The following STARD3NL variants were observed in gnomAD, a reference collection of about 807,000 sequenced individuals.
STARD3NL encodes the protein STARD3 N-terminal-like protein.
In STARD3NL, 17 loss-of-function variants were observed where a neutral mutation model predicts 30.9. The observed-to-expected ratio is 0.55, with a 90% CI of 0.38 to 0.82. STARD3NL has a LOEUF of 0.82. Among genes scored for constraint, STARD3NL ranks in the 40% least tolerant of loss-of-function variants. STARD3NL has a pLI of 0.00. For synonymous variants in STARD3NL, 112 were observed against 100.5 expected (o/e 1.11, Z -0.69); for missense variants, 234 against 277.6 (o/e 0.84, Z 1.12).
chr7:38,179,057 T>C (rs1784140404), intron 1 of STARD3NL: 1 of 152,238 alleles, frequency 6.6e-6, no homozygotes, highest in Non-Finnish European at 1.5e-5. Flanking sequence ...AACTTTTCTT[T>C]GTTCACTGTG....
rs112731593 is a variant in STARD3NL at position 38,190,476 on chromosome 7, G to C, written c.-59+12056G>C. ...TTGTGTGTATGTGTGTATATACTGTGTATAGATAAACAGGTACAGACACAG... is the reference window on the plus strand; with the variant it reads ...TTGTGTGTATGTGTGTATATACTGTCTATAGATAAACAGGTACAGACACAG... On this transcript the variant is annotated intron_variant, in intron 1 of 8. Transcript: ENST00000009041. 4.5e-4 allele frequency among the ~76,000 whole-genome samples: 69 copies of C among 152,134 alleles called. 1 individual carries two copies. The highest frequency in any genetic ancestry group is 8.2e-4 in the Non-Finnish European group (56 of 68,012).
At chr7:38,223,201 G>T (rs532417413) in intron 7 of STARD3NL, among the ~76,000 whole-genome samples, 4 of 152,310 alleles carry the variant, frequency 2.6e-5, no homozygotes, top group South Asian at 2.1e-4. Context: ...ATTTTTCCTT[G>T]TAAAGGAGCA....
intron 7 of STARD3NL, among the ~76,000 whole-genome samples, chr7:38,223,913 G>A (rs1462852536): frequency 6.6e-6 from 1 of 151,980 alleles, no homozygotes; most frequent in African/African-American, 2.4e-5. Context: ...TGTAATTTTG[G>A]AAGTTTCATT....
chr7:38,196,300 A>G, intron 1 of STARD3NL, among the ~76,000 whole-genome samples: 1 of 152,148 alleles, frequency 6.6e-6, no homozygotes, highest in African/African-American at 2.4e-5. Flanking sequence ...TGGCTGACCC[A>G]TCCTCTTTCT....
chr7:38,212,309 G>A (rs1785853866), intron 2 of STARD3NL, among the ~76,000 whole-genome samples: 1 of 152,080 alleles, frequency 6.6e-6, no homozygotes, highest in Admixed American at 6.6e-5. Context: ...AAAGGAATAA[G>A]CTCCTTTCTA....
Position 38,178,300 on chromosome 7 carries a change from T to G in STARD3NL, c.-179T>G, listed in dbSNP as rs1204190342. On this transcript the variant is annotated 5_prime_UTR_variant, in exon 1 of 9. Transcript: ENST00000009041. ...TGGGTGCGGGCGGTGGGCTGCGCGTTGTCCGCTGGACTGGGTCCCGGTCAC... is the reference window on the plus strand; with the variant it reads ...TGGGTGCGGGCGGTGGGCTGCGCGTGGTCCGCTGGACTGGGTCCCGGTCAC... The G allele has an allele frequency of 2.6e-5, 4 of 152,244 alleles. No individual in the cohort carries two copies. Among genetic ancestry groups the G allele is most frequent in the South Asian group, 4.1e-4 (2 of 4,822 alleles). The allele number at this position is 152,244 out of a possible 1,614,324, so 9.4% of individuals were successfully genotyped here.
intron 1 of STARD3NL, among the ~76,000 whole-genome samples, chr7:38,197,136 TTTTC>T (rs56319128): frequency 0.039 from 4,426 of 112,268 alleles, 215 homozygotes; most frequent in African/African-American, 0.12. Context: ...GCATTACCTT[TTTTC>T]TTTCTTTCTT....
At chr7:38,227,111 G>A (rs774500529) in intron 7 of STARD3NL, among the ~76,000 whole-genome samples, 2 of 152,192 alleles carry the variant, frequency 1.3e-5, no homozygotes, top group Admixed American at 6.5e-5. Context: ...TCACTTGGCC[G>A]TAGCAAGAAG....
rs1403862642 is a variant in STARD3NL, at chr7:38,219,632, G to A, written c.621G>A (p.Gln207=). ...TACCTGGTGGTCTTTCTGATGGTCA[G>A]TTTTATTCCCCTCCTGAATCCGAAG... ...ALIPGGLSDG[Q]FYSPPESEAG... Residue 207 remains glutamine, a synonymous_variant, in exon 7 of 9, where the codon CAG becomes CAA. Coordinates refer to ENST00000009041, the MANE Select transcript of STARD3NL (RefSeq NM_032016.4). The A allele has an allele frequency of 5.0e-5, 80 of 1,612,722 alleles. No individual in the cohort carries two copies. The highest frequency in any genetic ancestry group is 6.5e-5 in the Non-Finnish European group (77 of 1,179,072).
At chr7:38,197,198 C>CTT (rs56022939) in intron 1 of STARD3NL, among the ~76,000 whole-genome samples, 15 of 30,692 alleles carry the variant, frequency 4.9e-4, no homozygotes, top group Admixed American at 1.2e-3. Context: ...CTTTCTTTTT[C>CTT]TCTCTCTCTC....
At chr7:38,182,575 C>T (rs916025767) in intron 1 of STARD3NL, among the ~76,000 whole-genome samples, 1 of 152,140 alleles carries the variant, frequency 6.6e-6, no homozygotes, top group African/African-American at 2.4e-5. Context: ...TGTTGGAACT[C>T]CTGGCAGCCT....
At chr7:38,213,306 G>A (rs1390345599) in intron 2 of STARD3NL, among the ~76,000 whole-genome samples, 1 of 152,152 alleles carries the variant, frequency 6.6e-6, no homozygotes, top group Non-Finnish European at 1.5e-5. Context: ...AGCCAAGCAG[G>A]TCTACAGAGG....
intron 1 of STARD3NL, among the ~76,000 whole-genome samples, chr7:38,193,848 A>G (rs1421637375): frequency 6.6e-6 from 1 of 152,138 alleles, no homozygotes; most frequent in Non-Finnish European, 1.5e-5. Flanking sequence ...GTTAGTTTAT[A>G]CTTTTGTCCT....
At chr7:38,181,544 A>C (rs1000437780) in intron 1 of STARD3NL, among the ~76,000 whole-genome samples, 8 of 152,174 alleles carry the variant, frequency 5.3e-5, no homozygotes, top group Non-Finnish European at 1.2e-4. Flanking sequence ...CAGACTAATA[A>C]ATAGCTTAAT....
intron 1 of STARD3NL, among the ~76,000 whole-genome samples, chr7:38,197,136 T>TTTTCTTTCTTTCTTTCTTTCTC (rs1784939730): frequency 8.0e-5 from 9 of 112,380 alleles, no homozygotes; most frequent in African/African-American, 3.1e-4. Context: ...GCATTACCTT[T>TTTTCTTTCTTTCTTTCTTTCTC]TTTCTTTCTT....
chr7:38,216,053 G>C (rs1299617377), intron 4 of STARD3NL: 1 of 152,190 alleles, frequency 6.6e-6, no homozygotes, highest in Non-Finnish European at 1.5e-5. Context: ...CTCTTTTGCT[G>C]ATATCATCAT....
chr7:38,211,010 T>A (rs577640846), intron 2 of STARD3NL, among the ~76,000 whole-genome samples: 19 of 152,134 alleles, frequency 1.2e-4, no homozygotes, highest in Non-Finnish European at 1.8e-4. Flanking sequence ...GAAGATCAAA[T>A]GGAAAGATGT....
intron 1 of STARD3NL, among the ~76,000 whole-genome samples, chr7:38,182,149 C>T (rs186605019): frequency 4.7e-4 from 71 of 152,256 alleles, no homozygotes; most frequent in Admixed American, 3.6e-3. Flanking sequence ...GTGTTATATA[C>T]GTGCACAGTT....
intron 1 of STARD3NL, among the ~76,000 whole-genome samples, chr7:38,183,825 TG>T (rs1445284353): frequency 3.3e-5 from 5 of 152,200 alleles, no homozygotes; most frequent in Non-Finnish European, 5.9e-5. Flanking sequence ...GTGGAACCCA[TG>T]TATGCAGGTG....
Sources: allele counts gnomAD v4.1 joint callset (sites outside exome capture counted in the v4.1 genomes callset), GRCh38; gene constraint gnomAD v4.1.1; transcripts MANE v1.5; gene names NCBI Gene and HGNC (gene_info 2026-07-23, HGNC 2026-07-21).